Variants in CWF19L2 observed in about 807,000 individuals in gnomAD.
CWF19L2 encodes CWF19 like cell cycle control factor 2, also known as CWF19-like protein 2.
CWF19L2 carries 98 observed loss-of-function variants against 111.7 expected under a neutral mutation model. That is an observed-to-expected ratio of 0.88 (90% CI 0.75 to 1.04). CWF19L2 has a LOEUF of 1.04. Among genes scored for constraint, CWF19L2 ranks in the 50% least tolerant of loss-of-function variants. The pLI, the probability that CWF19L2 is intolerant of heterozygous loss-of-function variation, is 0.00. For synonymous variants in CWF19L2, 351 were observed against 342.9 expected (o/e 1.02, Z -0.26); for missense variants, 1,101 against 1,051.4 (o/e 1.05, Z -0.65).
Position 107,428,823 on chromosome 11 carries a change from C to A in CWF19L2, c.1409G>T (p.Arg470Leu). 1 of 1,611,458 alleles carries A rather than the reference C, an allele frequency of 6.2e-7. No homozygotes were observed. The highest frequency in any genetic ancestry group is 1.1e-5 in the South Asian group (1 of 90,630). Residue 470 changes from arginine to leucine, a missense_variant, in exon 8 of 18, where the codon CGG becomes CTG. Coordinates refer to ENST00000282251, the MANE Select transcript of CWF19L2 (RefSeq NM_152434.3). ...RDDPPKKEHL[R>L]DTKSTFAGSP... ...CCCAGCAAATGTAGACTTTGTATCC[C>A]GTAGATGTTCTTTTTTTGGAGGGTC...
intron 14 of CWF19L2, among the ~76,000 whole-genome samples, chr11:107,346,465 T>C (rs965771350): frequency 6.6e-6 from 1 of 152,144 alleles, no homozygotes; most frequent in Non-Finnish European, 1.5e-5. Context: ...GGTTCATACC[T>C]TGGGGAGGAG....
In CWF19L2 at chr11:107,373,598, T is replaced by C. The variant is rs1860549784; in HGVS notation, c.1872+16476A>G. 4.8e-5 allele frequency among the ~76,000 whole-genome samples: 6 copies of C among 125,990 alleles called. 2 individuals carry two copies. In the South Asian group the frequency reaches 1.7e-3, roughly 36 times the overall value. 82.7% of individuals were successfully genotyped at this position (125,990 alleles called of 152,430 possible). A position where few individuals can be genotyped will look rare whatever the true frequency, so the allele number is the denominator to read the frequency against. On this transcript the variant is annotated intron_variant, in intron 12 of 17. Transcript: ENST00000282251. ...AGGAAAACTAACAACAGAAAGGACATCCACACCAAAAACCCATCTGTACAT... is the reference window on the plus strand; with the variant it reads ...AGGAAAACTAACAACAGAAAGGACACCCACACCAAAAACCCATCTGTACAT...
At chr11:107,456,447 A>G (rs1861856650) in intron 1 of CWF19L2, among the ~76,000 whole-genome samples, 1 of 152,146 alleles carries the variant, frequency 6.6e-6, no homozygotes, top group Non-Finnish European at 1.5e-5. Context: ...AAAAGAATGA[A>G]TAATATATAT....
rs765980805 is a variant in CWF19L2 at position 107,428,970 on chromosome 11, C to T, written c.1262G>A (p.Arg421His). 13 of 1,613,352 alleles carry T rather than the reference C, an allele frequency of 8.1e-6. No individual in the cohort carries two copies. The highest frequency in any genetic ancestry group is 6.7e-5 in the East Asian group (3 of 44,846). The change falls in exon 8 of 18, where the codon CGC becomes CAC. Residue 421 changes from arginine (R) to histidine (H), a missense_variant. Coordinates refer to ENST00000282251, the MANE Select transcript of CWF19L2 (RefSeq NM_152434.3). ...TTTCTTGTCTCCTCTCCCATCAGAG[C>T]GACTCCATGATGTTAATCTTTCTTC... The part of the protein sequence containing the change: ...NSEERLTSWS[R>H]SDGRGDKKHS...
chr11:107,374,135 T>C (rs1340777736), intron 12 of CWF19L2, among the ~76,000 whole-genome samples: 1 of 134,978 alleles, frequency 7.4e-6, no homozygotes, highest in Non-Finnish European at 1.6e-5. Flanking sequence ...AGACCAAATC[T>C]ACGTCGGATT....
intron 12 of CWF19L2, among the ~76,000 whole-genome samples, chr11:107,378,773 T>A (rs1860635509): frequency 6.6e-6 from 1 of 150,668 alleles, no homozygotes; most frequent in Non-Finnish European, 1.5e-5. Flanking sequence ...ATAATAATAA[T>A]AAATAAATAA....
At chr11:107,340,272 A>G (rs749845404) in intron 14 of CWF19L2, among the ~76,000 whole-genome samples, 8 of 152,126 alleles carry the variant, frequency 5.3e-5, no homozygotes, top group Non-Finnish European at 1.2e-4. Context: ...ATAGTTTTGT[A>G]CCTTACATTG....
At chr11:107,392,439 A>C (rs931508948) in intron 11 of CWF19L2, among the ~76,000 whole-genome samples, 4 of 152,194 alleles carry the variant, frequency 2.6e-5, no homozygotes, top group African/African-American at 9.7e-5. Context: ...GCTGTCTAAC[A>C]CTAGTAACAG....
rs751203559 is a variant in CWF19L2 at position 107,429,068 on chromosome 11, T to C, written c.1164A>G (p.Pro388=). ...CTACCAATGCTGAAGATGAACTAAG[T>C]GGTTCAAATTTTCTGCCCTTGCTGT... ...SFHSKGRKFE[P]LSSSSALVAQ... The change falls in exon 8 of 18, where the codon CCA becomes CCG. Residue 388 remains proline, a synonymous_variant. Transcript: ENST00000282251. The C allele has an allele frequency of 2.5e-6, 4 of 1,613,822 alleles. No homozygotes were observed. Among genetic ancestry groups the C allele is most frequent in the South Asian group, 2.2e-5 (2 of 91,066 alleles).
intron 10 of CWF19L2, among the ~76,000 whole-genome samples, chr11:107,394,639 G>C (rs1860896265): frequency 6.6e-6 from 1 of 152,058 alleles, no homozygotes; most frequent in African/African-American, 2.4e-5. Flanking sequence ...AATCTTAGGA[G>C]TTAAAAGAAA....
intron 3 of CWF19L2, among the ~76,000 whole-genome samples, chr11:107,446,256 A>AC (rs1490477309): frequency 1.3e-5 from 2 of 152,060 alleles, no homozygotes; most frequent in Non-Finnish European, 2.9e-5. Flanking sequence ...ATCTCCATTC[A>AC]CCCCCTCCTC....
chr11:107,382,766 G>A (rs756329374), intron 12 of CWF19L2, among the ~76,000 whole-genome samples: 9 of 152,192 alleles, frequency 5.9e-5, no homozygotes, highest in Non-Finnish European at 1.3e-4. Flanking sequence ...TCAAGCCTCA[G>A]AGGCAGGCCT....
intron 12 of CWF19L2, among the ~76,000 whole-genome samples, chr11:107,357,799 G>A (rs895512698): frequency 3.3e-5 from 5 of 152,010 alleles, no homozygotes; most frequent in African/African-American, 7.3e-5. Flanking sequence ...CCAGCCTACC[G>A]TATTCTCATT....
In CWF19L2 at chr11:107,417,758, ATTT is replaced by A. The variant is rs10537173; in HGVS notation, c.1527+433_1527+435del. Among the ~76,000 whole-genome samples, 95 of 146,960 alleles carry A rather than the reference ATTT, an allele frequency of 6.5e-4. 1 individual carries two copies. The highest frequency in any genetic ancestry group is 3.7e-3 in the South Asian group (17 of 4,608). On this transcript the variant is annotated intron_variant, in intron 9 of 17. Coordinates refer to ENST00000282251, the MANE Select transcript of CWF19L2 (RefSeq NM_152434.3). ...GTATTCTTCACAGAAAGGTTCGAGAATTTTTTTTTTTTTTTTGAGACACAGTCT... is the reference window on the plus strand; with the variant it reads ...GTATTCTTCACAGAAAGGTTCGAGAATTTTTTTTTTTTTGAGACACAGTCT...
intron 12 of CWF19L2, among the ~76,000 whole-genome samples, chr11:107,371,595 T>G (rs1860511890): frequency 7.3e-6 from 1 of 137,912 alleles, no homozygotes; most frequent in Admixed American, 7.1e-5. Context: ...AGGTTCTAGT[T>G]ATACACTAAA....
At chr11:107,440,774 C>A (rs1471100979) in intron 5 of CWF19L2, among the ~76,000 whole-genome samples, 1 of 152,102 alleles carries the variant, frequency 6.6e-6, no homozygotes, top group Non-Finnish European at 1.5e-5. Context: ...ATGAGCAGCT[C>A]CCAGTACAAG....
At chr11:107,350,039 T>C (rs1860135032) in intron 13 of CWF19L2, among the ~76,000 whole-genome samples, 1 of 152,144 alleles carries the variant, frequency 6.6e-6, no homozygotes, top group Non-Finnish European at 1.5e-5. Flanking sequence ...AAAAGCATTA[T>C]AAACATAAAA....
intron 10 of CWF19L2, among the ~76,000 whole-genome samples, chr11:107,395,597 A>T (rs1366779143): frequency 6.6e-6 from 1 of 152,244 alleles, no homozygotes; most frequent in African/African-American, 2.4e-5. Flanking sequence ...ATAGTGAAAT[A>T]AAGGTAAAGC....
chr11:107,404,068 C>A (rs1054864044), intron 10 of CWF19L2: 1 of 770,462 alleles, frequency 1.3e-6, no homozygotes, highest in African/African-American at 1.7e-5. Context: ...GGATCTTCAG[C>A]AGAGCTGAAT....
Sources: gnomAD v4.1 joint callset for allele counts (sites outside exome capture counted in the v4.1 genomes callset) on GRCh38, gnomAD v4.1.1 for gene constraint, MANE v1.5 for transcripts, NCBI Gene and HGNC (gene_info 2026-07-23, HGNC 2026-07-21) for gene names.